MYT1L: variants seen among roughly 807,000 people sequenced by gnomAD.
The protein encoded by MYT1L is myelin transcription factor 1-like protein.
MYT1L carries 12 observed loss-of-function variants against 126.7 expected under a neutral mutation model. The observed-to-expected ratio is 0.09, with a 90% CI of 0.06 to 0.15. The LOEUF (loss-of-function observed/expected upper bound fraction) is 0.15, where lower values mean the gene tolerates loss of function less well. Among genes scored for constraint, MYT1L ranks in the 10% least tolerant of loss-of-function variants. The pLI is 1.00. For synonymous variants in MYT1L, 541 were observed against 604.2 expected, an observed-to-expected ratio of 0.90 and a Z score of 1.53; for missense variants, 979 against 1,585.2, an observed-to-expected ratio of 0.62 and a Z score of 6.49.
chr2:2,235,907 C>G (rs1339334372), intron 2 of MYT1L, among the ~76,000 whole-genome samples: 2 of 152,150 alleles, frequency 1.3e-5, no homozygotes, highest in Non-Finnish European at 2.9e-5. Flanking sequence ...GGCTGAGGAG[C>G]AGCTAATATA....
At chr2:1,877,375 G>A (rs2047043142) in intron 18 of MYT1L, among the ~76,000 whole-genome samples, 3 of 149,956 alleles carry the variant, frequency 2.0e-5, no homozygotes, top group Non-Finnish European at 1.5e-5. Context: ...ATCTGTGAGA[G>A]TGGTGAGTTT....
chr2:1,971,234 G>C (rs1002210654), intron 8 of MYT1L, among the ~76,000 whole-genome samples: 6 of 152,100 alleles, frequency 3.9e-5, no homozygotes, highest in Admixed American at 2.6e-4. Context: ...TACATGCTTT[G>C]CATGTATTAA....
chr2:2,224,293 A>G lies in MYT1L; in HGVS notation c.-420-51305T>C, dbSNP rs1349696042. On this transcript the variant is annotated intron_variant, in intron 2 of 24. Coordinates refer to ENST00000647738, the MANE Select transcript of MYT1L (RefSeq NM_001303052.2). The surrounding 1 kb of genome is among the most constrained non-coding windows in gnomAD (Gnocchi z 4.0). ...TAAAATAGCAGGGTGTGACAGCAACAGATGGCACCCAGAAAGGAGGCGTGG... is the reference window on the plus strand; with the variant it reads ...TAAAATAGCAGGGTGTGACAGCAACGGATGGCACCCAGAAAGGAGGCGTGG... 6.6e-6 allele frequency among the ~76,000 whole-genome samples: 1 copy of G among 152,108 alleles called. No homozygotes were observed. The highest frequency in any genetic ancestry group is 1.5e-5 in the Non-Finnish European group (1 of 68,034).
intron 22 of MYT1L, among the ~76,000 whole-genome samples, chr2:1,807,808 G>A (rs1049102621): frequency 1.3e-5 from 2 of 152,020 alleles, no homozygotes; most frequent in African/African-American, 2.4e-5. Context: ...TTTGTCAATC[G>A]ATCAATAAAA....
chr2:1,796,111 T>A lies in MYT1L; in HGVS notation c.3277-3647A>T, dbSNP rs140433207. Among the ~76,000 whole-genome samples the A allele has an allele frequency of 1.7e-3, 253 of 152,354 alleles. 1 individual carries two copies. Among genetic ancestry groups the A allele is most frequent in the African/African-American group, 5.7e-3 (237 of 41,582 alleles). On this transcript the variant is annotated intron_variant, in intron 23 of 24. Transcript: ENST00000647738. Reference sequence around the variant, plus strand: ...ATTAAATTCCGACTGCAGCACCACGTGACGCTGTGTTGAAACAGGGTCACA... The same window carrying A: ...ATTAAATTCCGACTGCAGCACCACGAGACGCTGTGTTGAAACAGGGTCACA...
intron 3 of MYT1L, among the ~76,000 whole-genome samples, chr2:2,085,814 G>A (rs1034615160): frequency 3.9e-5 from 6 of 152,126 alleles, no homozygotes; most frequent in Non-Finnish European, 8.8e-5. Context: ...CGACCCACAC[G>A]CACCTCTCTC....
At chr2:2,136,414 G>A (rs774823653) in intron 3 of MYT1L, among the ~76,000 whole-genome samples, 10 of 152,106 alleles carry the variant, frequency 6.6e-5, no homozygotes, top group African/African-American at 9.7e-5. Context: ...TCAAACCAAG[G>A]CTGAGAATCT....
chr2:1,974,476 C>A lies in MYT1L; in HGVS notation c.152+4689G>T, dbSNP rs187570898. The A allele has an allele frequency of 2.6e-5, 4 of 152,256 alleles. No homozygotes were observed. In the East Asian group the frequency reaches 7.7e-4, roughly 29 times the overall value. 9.4% of individuals were successfully genotyped at this position (152,256 alleles called of 1,614,324 possible). On this transcript the variant is annotated intron_variant, in intron 8 of 24. Coordinates refer to ENST00000647738, the MANE Select transcript of MYT1L (RefSeq NM_001303052.2). ...ATATGCTAATATCACAAGACAAAAA[C>A]CTCAGTTGGGAAAAGCAAAAGGCAA...
intron 4 of MYT1L, among the ~76,000 whole-genome samples, chr2:2,004,211 G>GTGCC (rs1558697007): frequency 8.2e-6 from 1 of 122,180 alleles, no homozygotes; most frequent in Non-Finnish European, 1.8e-5. Flanking sequence ...TCCTGAATGT[G>GTGCC]TTCTTTCCTG....
chr2:1,886,530 A>C lies in MYT1L; in HGVS notation c.2711+9T>G. 6.4e-7 allele frequency: 1 copy of C among 1,563,992 alleles called. No homozygotes were observed. Among genetic ancestry groups the C allele is most frequent in the Non-Finnish European group, 8.6e-7 (1 of 1,156,180 alleles). On this transcript the variant is annotated intron_variant, in intron 18 of 24. Coordinates refer to ENST00000647738, the MANE Select transcript of MYT1L (RefSeq NM_001303052.2). ...TTTTTAAAAGAGAATTATTGTCATT[A>C]AATCTTACTTGAGTTCTTGGGAGCT...
Position 1,852,574 on chromosome 2 carries a change from C to T in MYT1L, c.2712-871G>A, listed in dbSNP as rs558568642. 5.3e-5 allele frequency among the ~76,000 whole-genome samples: 8 copies of T among 152,194 alleles called. No homozygotes were observed. In the South Asian group the frequency reaches 1.7e-3, roughly 32 times the overall value. On this transcript the variant is annotated intron_variant, in intron 18 of 24. Coordinates refer to ENST00000647738, the MANE Select transcript of MYT1L (RefSeq NM_001303052.2). The surrounding 1 kb of genome is among the most constrained non-coding windows in gnomAD (Gnocchi z 4.0). ...AAGAATAATGAGATCAACTTCTTAA[C>T]TATGCTGTCTCAAGAATAATGAGAT...
chr2:2,195,606 AG>A (rs767346665), intron 2 of MYT1L, among the ~76,000 whole-genome samples: 4 of 152,248 alleles, frequency 2.6e-5, no homozygotes, highest in Non-Finnish European at 5.9e-5. Context: ...AACAACCAAT[AG>A]AAACAAATAC....
chr2:1,860,988 C>A (rs1461290079), intron 18 of MYT1L, among the ~76,000 whole-genome samples: 1 of 151,798 alleles, frequency 6.6e-6, no homozygotes, highest in Non-Finnish European at 1.5e-5. Flanking sequence ...GCTCACCTCA[C>A]ACACACACAC....
chr2:1,800,725 G>A (rs934010258), intron 23 of MYT1L, among the ~76,000 whole-genome samples: 1 of 152,120 alleles, frequency 6.6e-6, no homozygotes, highest in Non-Finnish European at 1.5e-5. Context: ...GGGAGCCCTC[G>A]GAGTGTGTTA....
intron 2 of MYT1L, among the ~76,000 whole-genome samples, chr2:2,271,031 G>A (rs988618491): frequency 1.3e-5 from 2 of 152,178 alleles, no homozygotes; most frequent in Non-Finnish European, 2.9e-5. Context: ...AGCATGCCGC[G>A]GCCTTGCTGG....
chr2:1,892,394 G>T, intron 14 of MYT1L, 107 bp from the exon 15 acceptor site: 1 of 1,437,912 alleles, frequency 7.0e-7, no homozygotes, highest in Non-Finnish European at 9.2e-7. Context: ...ACAGCCGCGT[G>T]GGACGGCCCT....
chr2:1,968,986 G>C (rs1410330885), intron 8 of MYT1L, among the ~76,000 whole-genome samples: 1 of 152,198 alleles, frequency 6.6e-6, no homozygotes, highest in Non-Finnish European at 1.5e-5. Flanking sequence ...CAGAGAAGCT[G>C]CTGCCCCATA....
At chr2:2,213,313 T>C (rs1216130975) in intron 2 of MYT1L, among the ~76,000 whole-genome samples, 9 of 151,890 alleles carry the variant, frequency 5.9e-5, no homozygotes, top group Admixed American at 4.6e-4. Flanking sequence ...ACTCAGTGAG[T>C]TGAGGAGACA....
In MYT1L at chr2:2,138,316, C is replaced by G. The variant is rs575988827; in HGVS notation, c.-304+34556G>C. Among the ~76,000 whole-genome samples, 510 of 148,894 alleles carry G rather than the reference C, an allele frequency of 3.4e-3. 3 individuals are homozygous for G. Among genetic ancestry groups the G allele is most frequent in the African/African-American group, 0.012 (473 of 40,200 alleles). ...CCTCAGGGATCTAGAACTAGAAATA[C>G]CATTTGACCCAGCCATCCCATTACT... On this transcript the variant is annotated intron_variant, in intron 3 of 24. Transcript: ENST00000647738.
Sources: gnomAD v4.1 joint callset for allele counts (sites outside exome capture counted in the v4.1 genomes callset) on GRCh38, gnomAD v4.1.1 for gene constraint, Gnocchi (gnomAD v3.1) non-coding constraint, MANE v1.5 for transcripts, NCBI Gene and HGNC (gene_info 2026-07-23, HGNC 2026-07-21) for gene names.